The following SGMS1 variants were observed in gnomAD, a reference collection of about 807,000 sequenced individuals.
SGMS1 encodes the protein sphingomyelin synthase 1.
A neutral mutation model predicts 46.2 loss-of-function variants in SGMS1; 13 were observed. The ratio of observed to expected loss-of-function variants is 0.28; its 90% CI spans 0.18 to 0.45. SGMS1 has a LOEUF of 0.45. Ranked by LOEUF, SGMS1 falls within the 20% of genes least tolerant of loss-of-function variation. SGMS1 has a pLI of 1.00. For missense variants in SGMS1, 324 were observed against 519.9 expected (o/e 0.62, Z 3.66); for synonymous variants, 203 against 187.8 (o/e 1.08, Z -0.66).
At chr10:50,618,043 A>G (rs907712330) in intron 1 of SGMS1, among the ~76,000 whole-genome samples, 4 of 152,180 alleles carry the variant, frequency 2.6e-5, no homozygotes, top group Non-Finnish European at 1.5e-5. Flanking sequence ...TAAAGTTGAA[A>G]AAGTAAACTA....
At chr10:50,518,624 G>A (rs547044157) in intron 3 of SGMS1, among the ~76,000 whole-genome samples, 27 of 152,186 alleles carry the variant, frequency 1.8e-4, no homozygotes, top group African/African-American at 6.5e-4. Context: ...ACACCATGTT[G>A]GCCAGGCTGG....
chr10:50,402,512 A>T (rs1268575695), intron 6 of SGMS1, among the ~76,000 whole-genome samples: 2 of 152,208 alleles, frequency 1.3e-5, no homozygotes, highest in Non-Finnish European at 2.9e-5. Flanking sequence ...CCAAGAAAAT[A>T]CTGCACAGTA....
At chr10:50,428,891 A>G (rs1564911105) in intron 6 of SGMS1, among the ~76,000 whole-genome samples, 2 of 152,220 alleles carry the variant, frequency 1.3e-5, no homozygotes, top group Admixed American at 6.5e-5. Flanking sequence ...TACACCTAAC[A>G]TACCTAACAC....
chr10:50,521,892 T>C (rs1322574851), intron 2 of SGMS1, among the ~76,000 whole-genome samples: 1 of 152,210 alleles, frequency 6.6e-6, no homozygotes, highest in Non-Finnish European at 1.5e-5. Flanking sequence ...ACTTTTCCAA[T>C]GAAAAATTAC....
At chr10:50,469,438 G>A (rs987836293) in intron 3 of SGMS1, among the ~76,000 whole-genome samples, 4 of 152,162 alleles carry the variant, frequency 2.6e-5, no homozygotes, top group Non-Finnish European at 4.4e-5. Context: ...CATAGTAAAA[G>A]CTGCAGGCTT....
At chr10:50,377,566 C>T (rs1233385811) in intron 6 of SGMS1, among the ~76,000 whole-genome samples, 1 of 152,138 alleles carries the variant, frequency 6.6e-6, no homozygotes, top group African/African-American at 2.4e-5. Flanking sequence ...TCTGGTACGC[C>T]ATACTTCTCA....
chr10:50,608,096 A>G (rs1838714291), intron 1 of SGMS1, among the ~76,000 whole-genome samples: 1 of 152,216 alleles, frequency 6.6e-6, no homozygotes. Flanking sequence ...TAAAATGTCA[A>G]ACTTGTACTT....
intron 3 of SGMS1, among the ~76,000 whole-genome samples, chr10:50,505,479 T>C (rs1195297520): frequency 6.6e-6 from 1 of 152,178 alleles, no homozygotes; most frequent in South Asian, 2.1e-4. Context: ...AGACCTGATA[T>C]GTCAAGTGAA....
At chr10:50,458,046 A>G (rs1425893144) in intron 5 of SGMS1, among the ~76,000 whole-genome samples, 2 of 152,218 alleles carry the variant, frequency 1.3e-5, no homozygotes, top group African/African-American at 4.8e-5. Context: ...AGACACATCC[A>G]GTTCTCAAGA....
chr10:50,623,608 G>A, intron 1 of SGMS1, 99 bp downstream of exon 1: 1 of 985,340 alleles, frequency 1.0e-6, no homozygotes, highest in Non-Finnish European at 1.2e-6. Flanking sequence ...AGAGCAGCCC[G>A]CCCGCTGCTC....
chr10:50,588,632 A>C (rs1186038743), intron 2 of SGMS1, among the ~76,000 whole-genome samples: 4 of 152,014 alleles, frequency 2.6e-5, no homozygotes, highest in African/African-American at 9.7e-5. Flanking sequence ...TCACAGTACC[A>C]GTCATATTCT....
chr10:50,617,928 G>A (rs930129457), intron 1 of SGMS1, among the ~76,000 whole-genome samples: 3 of 144,586 alleles, frequency 2.1e-5, no homozygotes, highest in Non-Finnish European at 4.5e-5. Flanking sequence ...ATGTTGCCCA[G>A]GCTGGTCTTG....
At chr10:50,570,506 T>C (rs564831728) in intron 2 of SGMS1, among the ~76,000 whole-genome samples, 212 of 152,250 alleles carry the variant, frequency 1.4e-3, no homozygotes, top group Non-Finnish European at 1.7e-3. Flanking sequence ...TTTTTAAAAA[T>C]AAGAATAAAG....
At chr10:50,489,754 T>TC in intron 3 of SGMS1, among the ~76,000 whole-genome samples, 1 of 152,094 alleles carries the variant, frequency 6.6e-6, no homozygotes, top group Non-Finnish European at 1.5e-5. Flanking sequence ...GGTGGGTAGA[T>TC]CATGAGGTCA....
At chr10:50,538,293 T>C (rs1026178708) in intron 2 of SGMS1, among the ~76,000 whole-genome samples, 2 of 151,240 alleles carry the variant, frequency 1.3e-5, no homozygotes, top group Non-Finnish European at 2.9e-5. Context: ...CCGTCTCTAC[T>C]AAAAATACAA....
chr10:50,534,533 T>A (rs1837982959), intron 2 of SGMS1, among the ~76,000 whole-genome samples: 1 of 152,182 alleles, frequency 6.6e-6, no homozygotes, highest in Admixed American at 6.5e-5. Context: ...TTGACACAGT[T>A]CCAGTTTGAA....
At chr10:50,603,576 C>T (rs1838668046) in intron 1 of SGMS1, among the ~76,000 whole-genome samples, 2 of 152,098 alleles carry the variant, frequency 1.3e-5, no homozygotes, top group South Asian at 4.2e-4. Context: ...TCTTGAGATA[C>T]AGTATCAAAA....
rs116931437 is a variant in SGMS1, at chr10:50,305,654, T to C, written c.*1488A>G. On this transcript the variant is annotated 3_prime_UTR_variant, in exon 11 of 11. Coordinates refer to ENST00000361781, the MANE Select transcript of SGMS1 (RefSeq NM_147156.4). ...AGTGCATTTTGATTAATTTATGATC[T>C]AGGTAAGCTGTAAGATACCAGTATA... 780 of 152,870 alleles carry C rather than the reference T, an allele frequency of 5.1e-3. 5 individuals carry two copies. Among genetic ancestry groups the C allele is most frequent in the Non-Finnish European group, 8.6e-3 (588 of 67,982 alleles). 9.5% of individuals were successfully genotyped at this position (152,870 alleles called of 1,614,324 possible).
chr10:50,562,781 T>A (rs1039651165), intron 2 of SGMS1, among the ~76,000 whole-genome samples: 7 of 152,284 alleles, frequency 4.6e-5, no homozygotes, highest in African/African-American at 1.7e-4. Flanking sequence ...CCTGACCTCG[T>A]GATCCGCCCG....
Sources: gnomAD v4.1 joint callset for allele counts (sites outside exome capture counted in the v4.1 genomes callset) on GRCh38, gnomAD v4.1.1 for gene constraint, MANE v1.5 for transcripts, NCBI Gene and HGNC (gene_info 2026-07-23, HGNC 2026-07-21) for gene names.